Variants in SPIDR observed in about 807,000 individuals in gnomAD.
SPIDR encodes the protein scaffold protein involved in DNA repair.
A neutral mutation model predicts 104.6 loss-of-function variants in SPIDR; 93 were observed. That is an observed-to-expected ratio of 0.89 (90% CI 0.75 to 1.06). The LOEUF (loss-of-function observed/expected upper bound fraction) is 1.06, where lower values mean the gene tolerates loss of function less well. Among genes scored for constraint, SPIDR ranks in the 50% least tolerant of loss-of-function variants. The pLI, the probability that SPIDR is intolerant of heterozygous loss-of-function variation, is 0.00. For missense variants in SPIDR, 1,154 were observed against 1,111.2 expected, an observed-to-expected ratio of 1.04 and a Z score of -0.55; for synonymous variants, 431 against 416.9, an observed-to-expected ratio of 1.03 and a Z score of -0.41.
intron 6 of SPIDR, among the ~76,000 whole-genome samples, chr8:47,401,242 T>A (rs375530551): frequency 6.6e-6 from 1 of 152,186 alleles, no homozygotes; most frequent in African/African-American, 2.4e-5. Flanking sequence ...AAACTACGCT[T>A]CATAAGTGAA....
At chr8:47,475,597 T>C (rs1180890950) in intron 8 of SPIDR, among the ~76,000 whole-genome samples, 3 of 152,216 alleles carry the variant, frequency 2.0e-5, no homozygotes, top group African/African-American at 7.2e-5. Context: ...TGTATGTACC[T>C]AAGCATTTGA....
chr8:47,657,993 GCA>G (rs1448180096), intron 10 of SPIDR, among the ~76,000 whole-genome samples: 1 of 128,586 alleles, frequency 7.8e-6, no homozygotes, highest in East Asian at 2.3e-4. Flanking sequence ...TCATGCCACT[GCA>G]CACCAGCCTG....
At chr8:47,523,827 A>G (rs1363923764) in intron 8 of SPIDR, among the ~76,000 whole-genome samples, 18 of 152,200 alleles carry the variant, frequency 1.2e-4, no homozygotes, top group Admixed American at 1.2e-3. Context: ...ACCATTACAT[A>G]ACCCAGTTTC....
chr8:47,676,236 T>G (rs141561345), intron 11 of SPIDR, among the ~76,000 whole-genome samples: 85 of 152,372 alleles, frequency 5.6e-4, no homozygotes, highest in Non-Finnish European at 1.0e-3. Context: ...GGAAATGCAT[T>G]GAGTATTCCA....
intron 1 of SPIDR, among the ~76,000 whole-genome samples, chr8:47,263,841 T>A (rs750931554): frequency 6.6e-5 from 10 of 152,232 alleles, no homozygotes; most frequent in Non-Finnish European, 1.3e-4. Context: ...CTGTGGAATT[T>A]TATGTAAATA....
chr8:47,623,819 C>T (rs958627976), intron 10 of SPIDR, among the ~76,000 whole-genome samples: 32 of 152,166 alleles, frequency 2.1e-4, no homozygotes, highest in African/African-American at 5.8e-4. Context: ...CAACATTAGA[C>T]AGATCAACGA....
chr8:47,587,507 G>A (rs961698439), intron 8 of SPIDR, among the ~76,000 whole-genome samples: 2 of 151,422 alleles, frequency 1.3e-5, no homozygotes, highest in African/African-American at 4.9e-5. Flanking sequence ...CCGAGAGGCT[G>A]AGGTAGGAGA....
chr8:47,620,968 G>GT (rs2065073221), intron 10 of SPIDR, among the ~76,000 whole-genome samples: 1 of 150,888 alleles, frequency 6.6e-6, no homozygotes, highest in East Asian at 2.0e-4. Flanking sequence ...TTTTGTTTTT[G>GT]TTTTTTTGAG....
chr8:47,396,790 CCAG>C (rs1290809223), intron 6 of SPIDR, among the ~76,000 whole-genome samples, 164 bp downstream of exon 6: 1 of 152,052 alleles, frequency 6.6e-6, no homozygotes, highest in Non-Finnish European at 1.5e-5. Flanking sequence ...TTACTCATGC[CCAG>C]CAGATGTGAC....
At chr8:47,575,831 G>A (rs527694944) in intron 8 of SPIDR, among the ~76,000 whole-genome samples, 8 of 150,172 alleles carry the variant, frequency 5.3e-5, no homozygotes, top group African/African-American at 9.8e-5. Flanking sequence ...ATGGTGGTGC[G>A]CACCTATAAT....
At chr8:47,326,269 C>T (rs555632696) in intron 5 of SPIDR, among the ~76,000 whole-genome samples, 2 of 152,158 alleles carry the variant, frequency 1.3e-5, no homozygotes, top group Non-Finnish European at 2.9e-5. Flanking sequence ...CCTGTCTCAG[C>T]CTCCCAAAGT....
rs1300132242 is a variant in SPIDR, at chr8:47,342,112, A to G, written c.525+48082A>G. On this transcript the variant is annotated intron_variant, in intron 5 of 19. Coordinates refer to ENST00000297423, the MANE Select transcript of SPIDR (RefSeq NM_001080394.4). ...CTAACTATTTGTACTAAGATTTAGT[A>G]TGGGAGGAGGATTTTGTCTAGTTTG... Among the ~76,000 whole-genome samples, 7 of 152,282 alleles carry G rather than the reference A, an allele frequency of 4.6e-5. No individual in the cohort carries two copies. In the East Asian group the frequency reaches 1.4e-3, roughly 29 times the overall value.
At chr8:47,636,773 A>G (rs2067994571) in intron 10 of SPIDR, among the ~76,000 whole-genome samples, 2 of 151,366 alleles carry the variant, frequency 1.3e-5, no homozygotes, top group African/African-American at 4.9e-5. Flanking sequence ...CCATGATCGT[A>G]CCACTGCACT....
At chr8:47,537,539 A>G (rs1257699944) in intron 8 of SPIDR, among the ~76,000 whole-genome samples, 2 of 152,218 alleles carry the variant, frequency 1.3e-5, no homozygotes, top group Admixed American at 6.5e-5. Flanking sequence ...AAAAAGATCC[A>G]TGGGGTTTAG....
At chr8:47,469,469 T>TA (rs2075366256) in intron 8 of SPIDR, among the ~76,000 whole-genome samples, 1 of 151,924 alleles carries the variant, frequency 6.6e-6, no homozygotes, top group African/African-American at 2.4e-5. Context: ...GGAATCAACC[T>TA]AAATGCCCAT....
intron 7 of SPIDR, among the ~76,000 whole-genome samples, chr8:47,433,047 T>A (rs2067640499): frequency 6.6e-6 from 1 of 152,140 alleles, no homozygotes; most frequent in South Asian, 2.1e-4. Flanking sequence ...AAAAGAAATA[T>A]TTGTCTAGAA....
chr8:47,297,128 C>G (rs1244799641), intron 5 of SPIDR, among the ~76,000 whole-genome samples: 1 of 152,122 alleles, frequency 6.6e-6, no homozygotes, highest in Non-Finnish European at 1.5e-5. Context: ...AAGTTGTTAG[C>G]ATTTTCTATA....
intron 8 of SPIDR, among the ~76,000 whole-genome samples, chr8:47,499,955 C>T (rs545606439): frequency 6.6e-6 from 1 of 152,160 alleles, no homozygotes; most frequent in African/African-American, 2.4e-5. Context: ...ATCCATATCC[C>T]TACAAAGGAC....
At position 47,564,519 on chromosome 8, in the gene SPIDR, C is replaced by T. The variant is rs193260591; in HGVS notation, c.1098-31292C>T. Among the ~76,000 whole-genome samples the T allele has an allele frequency of 1.2e-3, 182 of 152,064 alleles. 1 individual carries two copies. Among genetic ancestry groups the T allele is most frequent in the South Asian group, 5.2e-3 (25 of 4,818 alleles). ...ACATGGTGAAACCCTGTCTCTACTACCAATTAAAAAATTAGCTGGGTGTGG... is the reference window on the plus strand; with the variant it reads ...ACATGGTGAAACCCTGTCTCTACTATCAATTAAAAAATTAGCTGGGTGTGG... On this transcript the variant is annotated intron_variant, in intron 8 of 19. Transcript: ENST00000297423.
Sources: gnomAD v4.1 joint callset for allele counts (sites outside exome capture counted in the v4.1 genomes callset) on GRCh38, gnomAD v4.1.1 for gene constraint, MANE v1.5 for transcripts, NCBI Gene and HGNC (gene_info 2026-07-23, HGNC 2026-07-21) for gene names.